RALYL: variants seen among roughly 807,000 people sequenced by gnomAD.
RALYL encodes RALY RNA binding protein like.
RALYL carries 29 observed loss-of-function variants against 35.1 expected under a neutral mutation model. That is an observed-to-expected ratio of 0.83 (90% confidence interval 0.61 to 1.13). The LOEUF is 1.13. Ranked by LOEUF, RALYL falls within the 50% of genes most tolerant of loss-of-function variation. The pLI, the probability that RALYL is intolerant of heterozygous loss-of-function variation, is 0.00. For missense variants in RALYL, 359 were observed against 360.4 expected, an observed-to-expected ratio of 1.00 and a Z score of 0.03; for synonymous variants, 120 against 127.6, an observed-to-expected ratio of 0.94 and a Z score of 0.40.
At chr8:84,605,585 T>C (rs564958780) in intron 2 of RALYL, among the ~76,000 whole-genome samples, 1 of 152,132 alleles carries the variant, frequency 6.6e-6, no homozygotes, top group East Asian at 1.9e-4. Flanking sequence ...TAGGTGATCC[T>C]GACTCAGGCA....
intron 2 of RALYL, among the ~76,000 whole-genome samples, chr8:84,536,483 G>C (rs1304635315): frequency 6.6e-6 from 1 of 152,176 alleles, no homozygotes; most frequent in Non-Finnish European, 1.5e-5. Flanking sequence ...CTTCAAATTA[G>C]ATGGAGTATC....
At chr8:84,636,519 G>A (rs954650318) in intron 2 of RALYL, among the ~76,000 whole-genome samples, 1 of 151,796 alleles carries the variant, frequency 6.6e-6, no homozygotes, top group African/African-American at 2.4e-5. Flanking sequence ...GATACTGTCA[G>A]CTGAGTGATC....
At chr8:84,269,594 A>C (rs917776041) in intron 1 of RALYL, among the ~76,000 whole-genome samples, 1 of 152,198 alleles carries the variant, frequency 6.6e-6, no homozygotes, top group African/African-American at 2.4e-5. Context: ...CATTAAGTTT[A>C]ATGAATCATT....
At position 84,183,978 on chromosome 8, in the gene RALYL, A is replaced by T. The variant is rs1396307578; in HGVS notation, c.-470A>T. On this transcript the variant is annotated 5_prime_UTR_variant, in exon 1 of 9. Coordinates refer to ENST00000521268, the MANE Select transcript of RALYL (RefSeq NM_173848.7). ...AACATTTTTGTATAGGTGGGATTTT[A>T]CGGCAGTGTTTACAAGTTTGTGGTC... The T allele has an allele frequency of 6.6e-6, 1 of 152,128 alleles. No homozygotes were observed. The highest frequency in any genetic ancestry group is 1.5e-5 in the Non-Finnish European group (1 of 68,008). The allele number at this position is 152,128 out of a possible 1,614,324, so 9.4% of individuals were successfully genotyped here.
intron 2 of RALYL, among the ~76,000 whole-genome samples, chr8:84,595,137 T>C (rs971276669): frequency 2.6e-5 from 4 of 152,132 alleles, no homozygotes; most frequent in African/African-American, 9.7e-5. Flanking sequence ...TGCTGGTAAC[T>C]AAAAAGGTGG....
At chr8:84,549,798 T>G (rs868743372) in intron 2 of RALYL, among the ~76,000 whole-genome samples, 2 of 152,284 alleles carry the variant, frequency 1.3e-5, no homozygotes, top group Middle Eastern at 6.8e-3. Flanking sequence ...AGTAAAGCCT[T>G]TGTAATTGCC....
chr8:84,185,927 C>A (rs896187745), intron 1 of RALYL, among the ~76,000 whole-genome samples: 4 of 152,026 alleles, frequency 2.6e-5, no homozygotes, highest in Non-Finnish European at 5.9e-5. Flanking sequence ...TCTTTGTGGT[C>A]AAAAAGTAAG....
At chr8:84,715,149 A>T (rs1442079103) in intron 2 of RALYL, among the ~76,000 whole-genome samples, 1 of 151,840 alleles carries the variant, frequency 6.6e-6, no homozygotes, top group Non-Finnish European at 1.5e-5. Flanking sequence ...TTTTCATCCA[A>T]AGGGAAAATT....
chr8:84,707,815 T>C (rs1841481516), intron 2 of RALYL, among the ~76,000 whole-genome samples: 1 of 152,108 alleles, frequency 6.6e-6, no homozygotes, highest in Admixed American at 6.6e-5. Flanking sequence ...ACTAACAATA[T>C]TTGCAAAAGT....
intron 1 of RALYL, chr8:84,185,044 C>G: frequency 5.0e-6 from 8 of 1,612,582 alleles, no homozygotes; most frequent in Non-Finnish European, 5.9e-6. Context: ...TTTTGCTTTA[C>G]CAAAGGGCTT....
At chr8:84,295,091 T>G (rs1839506904) in intron 1 of RALYL, among the ~76,000 whole-genome samples, 1 of 152,110 alleles carries the variant, frequency 6.6e-6, no homozygotes, top group Non-Finnish European at 1.5e-5. Context: ...GTTTCTTATC[T>G]GGGTAAGAGA....
chr8:84,344,273 A>T (rs1205460094), intron 1 of RALYL, among the ~76,000 whole-genome samples: 1 of 152,086 alleles, frequency 6.6e-6, no homozygotes, highest in Non-Finnish European at 1.5e-5. Context: ...GTTATGCAAA[A>T]AAATAGAAAA....
At chr8:84,899,151 C>T (rs1346373248) in intron 8 of RALYL, among the ~76,000 whole-genome samples, 2 of 152,092 alleles carry the variant, frequency 1.3e-5, no homozygotes, top group Non-Finnish European at 2.9e-5. Context: ...TTTATTTTGT[C>T]TGTCTGGCAA....
At chr8:84,770,997 T>C (rs993175857) in intron 2 of RALYL, among the ~76,000 whole-genome samples, 1 of 152,202 alleles carries the variant, frequency 6.6e-6, no homozygotes, top group African/African-American at 2.4e-5. Context: ...ACTCTGTGGG[T>C]TGTCTGTTTA....
chr8:84,726,867 C>G (rs936635716), intron 2 of RALYL, among the ~76,000 whole-genome samples: 1 of 151,922 alleles, frequency 6.6e-6, no homozygotes, highest in Admixed American at 6.6e-5. Flanking sequence ...AAGGGCGATC[C>G]CCATCCTCAA....
intron 5 of RALYL, among the ~76,000 whole-genome samples, chr8:84,859,183 A>G (rs1411256316): frequency 1.3e-5 from 2 of 152,058 alleles, no homozygotes; most frequent in East Asian, 3.9e-4. Flanking sequence ...CTTGGCATAC[A>G]CCCTATGTAT....
intron 2 of RALYL, among the ~76,000 whole-genome samples, chr8:84,732,668 TTATA>T (rs1554553641): frequency 7.5e-6 from 1 of 132,492 alleles, no homozygotes; most frequent in Non-Finnish European, 1.6e-5. Flanking sequence ...TATTAAATAA[TTATA>T]TATATATATA....
At chr8:84,913,488 T>G (rs1440693196) in intron 8 of RALYL, among the ~76,000 whole-genome samples, 2 of 152,056 alleles carry the variant, frequency 1.3e-5, no homozygotes, top group African/African-American at 4.8e-5. Flanking sequence ...ATCATATAAC[T>G]GACGATTTTT....
intron 1 of RALYL, among the ~76,000 whole-genome samples, chr8:84,436,786 A>C (rs1452065967): frequency 6.6e-6 from 1 of 151,410 alleles, no homozygotes. Flanking sequence ...TGACTCTCAA[A>C]AGTTTCTATG....
Sources: gnomAD v4.1 joint callset for allele counts (sites outside exome capture counted in the v4.1 genomes callset) on GRCh38, gnomAD v4.1.1 for gene constraint, MANE v1.5 for transcripts, NCBI Gene and HGNC (gene_info 2026-07-23, HGNC 2026-07-21) for gene names.